Variants in PARD3B observed in about 807,000 individuals in gnomAD.
PARD3B encodes the protein par-3 family cell polarity regulator beta, also known as partitioning defective 3 homolog B.
In PARD3B, 103 loss-of-function variants were observed where a neutral mutation model predicts 130.2. The observed-to-expected ratio is 0.79, with a 90% CI of 0.67 to 0.93. The LOEUF is 0.93. Among genes scored for constraint, PARD3B ranks in the 40% least tolerant of loss-of-function variants. PARD3B has a pLI of 0.00. For missense variants in PARD3B, 1,609 were observed against 1,499.2 expected (o/e 1.07, Z -1.21); for synonymous variants, 583 against 553.2 (o/e 1.05, Z -0.76).
At chr2:205,514,866 T>C (rs2050730866) in intron 21 of PARD3B, among the ~76,000 whole-genome samples, 1 of 145,696 alleles carries the variant, frequency 6.9e-6, no homozygotes, top group Non-Finnish European at 1.5e-5. Flanking sequence ...GGTTTGAGGG[T>C]ACATGCGAAG....
chr2:205,429,535 A>G (rs551245165), intron 19 of PARD3B, among the ~76,000 whole-genome samples: 1 of 152,334 alleles, frequency 6.6e-6, no homozygotes, highest in South Asian at 2.1e-4. Flanking sequence ...GGGGAACTTT[A>G]CAATGGAGAC....
intron 18 of PARD3B, among the ~76,000 whole-genome samples, chr2:205,400,641 C>CAA (rs375044318): frequency 7.3e-6 from 1 of 137,688 alleles, no homozygotes; most frequent in African/African-American, 2.7e-5. Flanking sequence ...GACGCTGTCT[C>CAA]AAAAAAAAAA....
chr2:205,230,583 G>A lies in PARD3B; in HGVS notation c.2141-15195G>A, dbSNP rs2038785262. Among the ~76,000 whole-genome samples, 1 of 152,288 alleles carries A rather than the reference G, an allele frequency of 6.6e-6. No homozygotes were observed. The highest frequency in any genetic ancestry group is 2.1e-4 in the South Asian group (1 of 4,832). On this transcript the variant is annotated intron_variant, in intron 15 of 22. Transcript: ENST00000406610. The surrounding 1 kb of genome is among the most constrained non-coding windows in gnomAD (Gnocchi z 4.1). ...GGAGTCTCTCCTGGAGCCGTGAGCT[G>A]CACTGCCTGGGGTTGGGGGAGGAGT...
At chr2:205,110,760 A>T (rs1318587669) in intron 5 of PARD3B, among the ~76,000 whole-genome samples, 1 of 151,074 alleles carries the variant, frequency 6.6e-6, no homozygotes, top group East Asian at 2.0e-4. Context: ...TGGCTACTAT[A>T]CTGTCCTCTA....
Position 205,458,630 on chromosome 2 carries a change from T to A in PARD3B, c.3044+17958T>A, listed in dbSNP as rs1023643144. On this transcript the variant is annotated intron_variant, in intron 20 of 22. Coordinates refer to ENST00000406610, the MANE Select transcript of PARD3B (RefSeq NM_001302769.2). This position sits in a 1 kb window ranked among gnomAD's most constrained non-coding sequence, Gnocchi z 4.8. Reference sequence around the variant, plus strand: ...TTATCTTTTTTCTTGAATAAATTAATTGCAGTTATTTTAAGAACCATGTCT... The same window carrying A: ...TTATCTTTTTTCTTGAATAAATTAAATGCAGTTATTTTAAGAACCATGTCT... Among the ~76,000 whole-genome samples, 3 of 152,220 alleles carry A rather than the reference T, an allele frequency of 2.0e-5. No homozygotes were observed. The highest frequency in any genetic ancestry group is 2.0e-4 in the Admixed American group (3 of 15,270).
chr2:204,681,487 T>C (rs904645048), intron 1 of PARD3B, among the ~76,000 whole-genome samples: 3 of 152,190 alleles, frequency 2.0e-5, no homozygotes, highest in African/African-American at 7.2e-5. Context: ...TCTCCTGAAG[T>C]TTACACTTGG....
At chr2:204,616,634 T>A (rs1206274440) in intron 1 of PARD3B, among the ~76,000 whole-genome samples, 2 of 152,200 alleles carry the variant, frequency 1.3e-5, no homozygotes, top group Non-Finnish European at 2.9e-5. Flanking sequence ...TCAAAGGAGT[T>A]GAAAACTTAT....
chr2:205,083,225 C>T (rs1701536757), intron 4 of PARD3B, among the ~76,000 whole-genome samples: 2 of 151,214 alleles, frequency 1.3e-5, no homozygotes, highest in Non-Finnish European at 2.9e-5. Context: ...AGCCAAAATA[C>T]ATCAATTTTT....
intron 2 of PARD3B, among the ~76,000 whole-genome samples, chr2:204,734,634 A>G (rs1000647017): frequency 2.6e-5 from 4 of 152,210 alleles, no homozygotes; most frequent in African/African-American, 7.2e-5. Flanking sequence ...TCACAAAGTG[A>G]AAGAAGCCAG....
chr2:205,029,225 G>T (rs1387797181), intron 3 of PARD3B, among the ~76,000 whole-genome samples: 1 of 152,156 alleles, frequency 6.6e-6, no homozygotes, highest in Non-Finnish European at 1.5e-5. Context: ...ATACAGAACA[G>T]ATTTGTTTTG....
rs2055510432 is a variant in PARD3B at position 205,618,722 on chromosome 2, C to T, written c.*2909C>T. ...AGTAGAGAGATGAAAGAGGACAGAC[C>T]ATTGAAAACTTTTAGATGCAGGAGA... On this transcript the variant is annotated 3_prime_UTR_variant, in exon 23 of 23. Transcript: ENST00000406610. 1 of 152,076 alleles carries T rather than the reference C, an allele frequency of 6.6e-6. No homozygotes were observed. Among genetic ancestry groups the T allele is most frequent in the Non-Finnish European group, 1.5e-5 (1 of 68,020 alleles). 9.4% of individuals were successfully genotyped at this position (152,076 alleles called of 1,614,324 possible).
At chr2:205,057,220 T>C (rs1335652369) in intron 4 of PARD3B, among the ~76,000 whole-genome samples, 5 of 150,930 alleles carry the variant, frequency 3.3e-5, no homozygotes, top group Non-Finnish European at 7.4e-5. Flanking sequence ...TGACCTTATG[T>C]ATGTATATGT....
intron 18 of PARD3B, among the ~76,000 whole-genome samples, chr2:205,365,549 C>CTTT (rs3048121): frequency 1.8e-5 from 2 of 113,736 alleles, no homozygotes; most frequent in African/African-American, 7.5e-5. Context: ...CCCAACCTTC[C>CTTT]TTTTTTTTTT....
chr2:205,032,192 C>G (rs1559370923), intron 3 of PARD3B, among the ~76,000 whole-genome samples: 1 of 151,938 alleles, frequency 6.6e-6, no homozygotes, highest in Admixed American at 6.6e-5. Flanking sequence ...ATCCGTGGAT[C>G]ATTGCCTTAC....
At chr2:205,338,100 C>A (rs1374611335) in intron 18 of PARD3B, among the ~76,000 whole-genome samples, 3 of 133,940 alleles carry the variant, frequency 2.2e-5, no homozygotes, top group Non-Finnish European at 4.5e-5. Flanking sequence ...TTGCAGTGAG[C>A]TGAGATTGCA....
intron 1 of PARD3B, among the ~76,000 whole-genome samples, chr2:204,601,432 A>T (rs1453897992): frequency 1.3e-5 from 2 of 152,038 alleles, no homozygotes; most frequent in Non-Finnish European, 2.9e-5. Flanking sequence ...TTTAATATAT[A>T]AAAAGCTTAA....
At chr2:204,582,036 G>T (rs903726129) in intron 1 of PARD3B, among the ~76,000 whole-genome samples, 1 of 152,156 alleles carries the variant, frequency 6.6e-6, no homozygotes, top group African/African-American at 2.4e-5. Context: ...AAGGAGCTTG[G>T]TGAACGTTGC....
At chr2:204,744,548 G>A (rs762761663) in intron 2 of PARD3B, among the ~76,000 whole-genome samples, 2 of 152,176 alleles carry the variant, frequency 1.3e-5, no homozygotes, top group Non-Finnish European at 2.9e-5. Flanking sequence ...TTTTAAAAGA[G>A]AGAGAGGGTT....
chr2:204,803,252 T>C (rs577642399), intron 2 of PARD3B, among the ~76,000 whole-genome samples: 3 of 150,342 alleles, frequency 2.0e-5, no homozygotes, highest in South Asian at 2.1e-4. Context: ...AGGGATTTCA[T>C]CAACACCAGA....
Sources: allele counts gnomAD v4.1 joint callset (sites outside exome capture counted in the v4.1 genomes callset), GRCh38; gene constraint gnomAD v4.1.1; non-coding constraint Gnocchi (gnomAD v3.1); transcripts MANE v1.5; gene names NCBI Gene and HGNC (gene_info 2026-07-23, HGNC 2026-07-21).